The following SORBS2 variants were observed in gnomAD, a reference collection of about 807,000 sequenced individuals.
The protein encoded by SORBS2 is sorbin and SH3 domain containing 2.
Under a neutral mutation model 97.7 loss-of-function variants are expected in SORBS2, and 46 were observed. That is an observed-to-expected ratio of 0.47 (90% CI 0.37 to 0.60). SORBS2 has a LOEUF of 0.60. Ranked by LOEUF, SORBS2 falls within the 20% of genes least tolerant of loss-of-function variation. The pLI, the probability that SORBS2 is intolerant of heterozygous loss-of-function variation, is 0.00. For synonymous variants in SORBS2, 476 were observed against 473.4 expected (o/e 1.01, Z -0.07); for missense variants, 1,316 against 1,282.3 (o/e 1.03, Z -0.40).
chr4:185,587,914 C>T (rs2095824787), intron 14 of SORBS2: 1 of 480,190 alleles, frequency 2.1e-6, no homozygotes, highest in Non-Finnish European at 3.7e-6. Flanking sequence ...GCGCTGCCAT[C>T]GCGGCAGGCT....
chr4:185,587,557 G>T, exon 15 of SORBS2: 3 of 1,366,276 alleles, frequency 2.2e-6, no homozygotes, highest in South Asian at 1.2e-5. Context: ...GGAGGCCCGC[G>T]GGGTGTTTCA....
chr4:185,933,071 G>A (rs1019000760), intron 1 of SORBS2: 1 of 152,148 alleles, frequency 6.6e-6, no homozygotes, highest in Admixed American at 6.5e-5. Context: ...AGGCTATGAT[G>A]AATATCTCCA....
At chr4:185,752,151 A>G (rs1274217516) in intron 2 of SORBS2, among the ~76,000 whole-genome samples, 3 of 152,168 alleles carry the variant, frequency 2.0e-5, no homozygotes, top group Non-Finnish European at 4.4e-5. Flanking sequence ...AATAAACATT[A>G]CCCAGTATTG....
intron 1 of SORBS2, among the ~76,000 whole-genome samples, chr4:185,847,824 G>A (rs368244716): frequency 1.3e-5 from 2 of 152,274 alleles, no homozygotes; most frequent in Admixed American, 1.3e-4. Flanking sequence ...GGTAGAAACT[G>A]GCTTCATCGG....
chr4:185,700,842 T>G (rs568399837), intron 2 of SORBS2, among the ~76,000 whole-genome samples: 1 of 152,310 alleles, frequency 6.6e-6, no homozygotes, highest in Non-Finnish European at 1.5e-5. Flanking sequence ...GTTCCCAGCA[T>G]TCTTCATTTT....
rs2097915626 is a variant in SORBS2 at position 185,684,220 on chromosome 4, G to A, written c.-197-5398C>T. ...GATTTATTAAAAAGAGACCACCTGA[G>A]TGGATGCTGAAATCTCGCACCCCCA... On this transcript the variant is annotated intron_variant, in intron 2 of 20. Coordinates refer to the SORBS2 transcript ENST00000284776. This position sits in a 1 kb window ranked among gnomAD's most constrained non-coding sequence, Gnocchi z 4.2. Among the ~76,000 whole-genome samples the A allele has an allele frequency of 6.6e-6, 1 of 152,208 alleles. No individual in the cohort carries two copies. Among genetic ancestry groups the A allele is most frequent in the African/African-American group, 2.4e-5 (1 of 41,438 alleles).
intron 1 of SORBS2, among the ~76,000 whole-genome samples, chr4:185,936,682 G>A (rs2099269109): frequency 6.6e-6 from 1 of 152,204 alleles, no homozygotes; most frequent in Admixed American, 6.5e-5. Flanking sequence ...TGAGTATTCT[G>A]TCTCTTTGTC....
chr4:185,621,638 T>G (rs1002976215), intron 7 of SORBS2, among the ~76,000 whole-genome samples: 1 of 152,140 alleles, frequency 6.6e-6, no homozygotes, highest in East Asian at 1.9e-4. Flanking sequence ...TAAACGTAAG[T>G]GTATAGTGTA....
intron 1 of SORBS2, among the ~76,000 whole-genome samples, chr4:185,853,740 G>A (rs2099219206): frequency 6.6e-6 from 1 of 152,096 alleles, no homozygotes; most frequent in Non-Finnish European, 1.5e-5. Context: ...TAGAAACATG[G>A]CGAGTGTTCC....
intron 2 of SORBS2, among the ~76,000 whole-genome samples, chr4:185,752,442 A>AT (rs1204470357): frequency 6.6e-6 from 1 of 151,884 alleles, no homozygotes; most frequent in Non-Finnish European, 1.5e-5. Context: ...CACCCAGCTA[A>AT]TTTTTTGTAT....
At chr4:185,682,714 T>G (rs1167051841) in intron 2 of SORBS2, among the ~76,000 whole-genome samples, 1 of 152,028 alleles carries the variant, frequency 6.6e-6, no homozygotes, top group African/African-American at 2.4e-5. Context: ...TAATGGAAGC[T>G]TCTTTGAAAA....
chr4:185,879,704 T>A (rs1384987379), intron 1 of SORBS2, among the ~76,000 whole-genome samples: 1 of 152,164 alleles, frequency 6.6e-6, no homozygotes, highest in Non-Finnish European at 1.5e-5. Flanking sequence ...TTTTTAATGA[T>A]CGCCATTCTA....
intron 2 of SORBS2, among the ~76,000 whole-genome samples, chr4:185,699,842 T>A (rs2098234165): frequency 6.6e-6 from 1 of 152,352 alleles, no homozygotes; most frequent in East Asian, 1.9e-4. Flanking sequence ...GTATTATTAA[T>A]ATTTATATAC....
At chr4:185,626,544 G>A (rs1206478396) in intron 6 of SORBS2, among the ~76,000 whole-genome samples, 2 of 152,182 alleles carry the variant, frequency 1.3e-5, no homozygotes, top group East Asian at 1.9e-4. Context: ...ACATCTTTTA[G>A]TAGCCTGATG....
At chr4:185,944,983 T>C (rs1361937089) in intron 1 of SORBS2, among the ~76,000 whole-genome samples, 1 of 152,180 alleles carries the variant, frequency 6.6e-6, no homozygotes, top group Non-Finnish European at 1.5e-5. Context: ...ATATCAAGCC[T>C]TTAAAGGGTG....
intron 1 of SORBS2, among the ~76,000 whole-genome samples, chr4:185,900,164 T>C (rs750786985): frequency 2.6e-5 from 4 of 152,052 alleles, no homozygotes; most frequent in Admixed American, 1.3e-4. Context: ...AAGGAGAAGA[T>C]AGCTAAAAGA....
intron 1 of SORBS2, among the ~76,000 whole-genome samples, chr4:185,798,475 A>T (rs1254630674): frequency 6.6e-6 from 1 of 152,112 alleles, no homozygotes; most frequent in African/African-American, 2.4e-5. Context: ...TTTAAAATTC[A>T]CGTGTGACAA....
chr4:185,772,747 C>T (rs938254692), intron 2 of SORBS2: 6 of 152,146 alleles, frequency 3.9e-5, no homozygotes, highest in Non-Finnish European at 8.8e-5. Flanking sequence ...AACGTGTGCC[C>T]TCATGAAACT....
intron 2 of SORBS2, among the ~76,000 whole-genome samples, chr4:185,760,813 A>G (rs761833663): frequency 1.3e-5 from 2 of 152,228 alleles, no homozygotes; most frequent in Non-Finnish European, 2.9e-5. Context: ...ATTAAATCAA[A>G]TCTGCTTTGT....
Sources: allele counts gnomAD v4.1 joint callset (sites outside exome capture counted in the v4.1 genomes callset), GRCh38; gene constraint gnomAD v4.1.1; non-coding constraint Gnocchi (gnomAD v3.1); transcripts MANE v1.5; gene names NCBI Gene and HGNC (gene_info 2026-07-23, HGNC 2026-07-21).